EXOC4: variants seen among roughly 807,000 people sequenced by gnomAD.
EXOC4 encodes the protein SEC8-like 1.
A neutral mutation model predicts 107.2 loss-of-function variants in EXOC4; 71 were observed. The ratio of observed to expected loss-of-function variants is 0.66; its 90% CI spans 0.55 to 0.81. The LOEUF (loss-of-function observed/expected upper bound fraction) is 0.81, where lower values mean the gene tolerates loss of function less well. Among genes scored for constraint, EXOC4 ranks in the 30% least tolerant of loss-of-function variants. The pLI is 0.00. For missense variants in EXOC4, 1,108 were observed against 1,189.6 expected, an observed-to-expected ratio of 0.93 and a Z score of 1.01; for synonymous variants, 456 against 441.2, an observed-to-expected ratio of 1.03 and a Z score of -0.42.
In EXOC4 at chr7:133,427,250, T is replaced by C. The variant is rs571190590; in HGVS notation, c.1183-48078T>C. Among the ~76,000 whole-genome samples the C allele has an allele frequency of 1.3e-4, 20 of 152,316 alleles. No homozygotes were observed. In the East Asian group the frequency reaches 3.7e-3, roughly 28 times the overall value. ...TGTTTTTGTATCCAACTTTATAGGCTGTGCTGCTCGACTCCCAGCCTTTCT... is the reference window on the plus strand; with the variant it reads ...TGTTTTTGTATCCAACTTTATAGGCCGTGCTGCTCGACTCCCAGCCTTTCT... On this transcript the variant is annotated intron_variant, in intron 7 of 17. Coordinates refer to ENST00000253861, the MANE Select transcript of EXOC4 (RefSeq NM_021807.4).
At chr7:133,771,069 T>C (rs1282114439) in intron 10 of EXOC4, among the ~76,000 whole-genome samples, 4 of 151,958 alleles carry the variant, frequency 2.6e-5, no homozygotes, top group African/African-American at 9.7e-5. Flanking sequence ...GCAGTGAAAC[T>C]GGAATTTACC....
At chr7:133,299,336 G>C (rs1794592203) in intron 3 of EXOC4, among the ~76,000 whole-genome samples, 1 of 152,060 alleles carries the variant, frequency 6.6e-6, no homozygotes, top group Non-Finnish European at 1.5e-5. Context: ...TCATCTCTCA[G>C]ATACTGCCGT....
intron 14 of EXOC4, among the ~76,000 whole-genome samples, chr7:133,982,026 TCTTA>T (rs1210411610): frequency 3.3e-5 from 5 of 152,146 alleles, no homozygotes; most frequent in African/African-American, 1.2e-4. Context: ...TACCACACGT[TCTTA>T]CTTATGAGTG....
At chr7:133,971,371 G>T (rs1040278770) in intron 14 of EXOC4, among the ~76,000 whole-genome samples, 1,325 of 106,680 alleles carry the variant, frequency 0.012, 5 homozygotes, top group East Asian at 0.042. Context: ...TAGAGAGAGA[G>T]AGAGAGAGAG....
intron 4 of EXOC4, among the ~76,000 whole-genome samples, chr7:133,309,528 G>A (rs1584798467): frequency 6.6e-6 from 1 of 152,142 alleles, no homozygotes; most frequent in Non-Finnish European, 1.5e-5. Flanking sequence ...AAAGTTGTAG[G>A]TAGTTTGAAA....
intron 9 of EXOC4, among the ~76,000 whole-genome samples, chr7:133,609,503 A>AT (rs1410056511): frequency 6.6e-6 from 1 of 152,256 alleles, no homozygotes; most frequent in East Asian, 1.9e-4. Context: ...AGCACAGGGA[A>AT]TACGTAGAAG....
chr7:134,075,664 G>A, the EXOC4 span, among the ~76,000 whole-genome samples: 2 of 151,550 alleles, frequency 1.3e-5, no homozygotes, highest in South Asian at 4.2e-4. Flanking sequence ...TACAACTCAA[G>A]ATGAGATTTG....
At chr7:134,083,364 C>A in the EXOC4 span, among the ~76,000 whole-genome samples, 1 of 152,200 alleles carries the variant, frequency 6.6e-6, no homozygotes, top group African/African-American at 2.4e-5. Flanking sequence ...AGAAGGGCAA[C>A]TGGCTCCCTG....
At chr7:133,916,073 G>C (rs906816525) in intron 12 of EXOC4, among the ~76,000 whole-genome samples, 2 of 152,210 alleles carry the variant, frequency 1.3e-5, no homozygotes, top group Non-Finnish European at 2.9e-5. Flanking sequence ...AGGGACTGGG[G>C]TGATGTTTTG....
intron 10 of EXOC4, among the ~76,000 whole-genome samples, chr7:133,680,970 C>T (rs1794174158): frequency 6.6e-6 from 1 of 152,114 alleles, no homozygotes; most frequent in Admixed American, 6.5e-5. Flanking sequence ...TTTACGAAAA[C>T]CATTTTCCTT....
At position 133,642,946 on chromosome 7, in the gene EXOC4, C is replaced by T. The variant is rs1274262869; in HGVS notation, c.1514+12805C>T. Among the ~76,000 whole-genome samples the T allele has an allele frequency of 4.6e-5, 7 of 152,136 alleles. No individual in the cohort carries two copies. In the South Asian group the frequency reaches 6.2e-4, roughly 14 times the overall value. On this transcript the variant is annotated intron_variant, in intron 10 of 17. Coordinates refer to ENST00000253861, the MANE Select transcript of EXOC4 (RefSeq NM_021807.4). ...AGACATTTTATCCTTCAAGAATCAG[C>T]GCATGTATCCCCTTTTCTTCCAACT...
chr7:133,712,338 C>T (rs1474704886), intron 10 of EXOC4, among the ~76,000 whole-genome samples: 2 of 146,892 alleles, frequency 1.4e-5, no homozygotes, highest in Non-Finnish European at 3.0e-5. Flanking sequence ...ACTCAGGAGG[C>T]TGAGGCAGGA....
In EXOC4 at chr7:133,420,692, A is replaced by G. The variant is rs189586124; in HGVS notation, c.1182+45690A>G. On this transcript the variant is annotated intron_variant, in intron 7 of 17. Transcript: ENST00000253861. ...CTGGATCAGAATCTACATTTCAGTG[A>G]CATTCCTTAGACGATTACATTTTAA... 1.8e-4 allele frequency among the ~76,000 whole-genome samples: 28 copies of G among 152,202 alleles called. 1 individual carries two copies. The East Asian group carries it at 3.5e-3, about 19-fold the overall frequency.
At chr7:133,967,234 G>A (rs2346271) in intron 14 of EXOC4, among the ~76,000 whole-genome samples, 106,156 of 151,876 alleles carry the variant, frequency 0.7, 37,490 homozygotes, top group East Asian at 0.91. Context: ...TCTGGCTAGC[G>A]GTCTATCTAT....
chr7:133,774,629 A>C (rs891076247), intron 10 of EXOC4, among the ~76,000 whole-genome samples: 2 of 152,114 alleles, frequency 1.3e-5, no homozygotes, highest in Non-Finnish European at 2.9e-5. Flanking sequence ...CAGCAGTTTA[A>C]ACAATCTACT....
intron 9 of EXOC4, among the ~76,000 whole-genome samples, chr7:133,619,335 A>G (rs985294625): frequency 1.3e-5 from 2 of 152,194 alleles, no homozygotes; most frequent in African/African-American, 4.8e-5. Flanking sequence ...ATTTGGGAGT[A>G]CTTAGATTTA....
At chr7:133,967,768 A>G (rs1585286098) in intron 14 of EXOC4, among the ~76,000 whole-genome samples, 1 of 152,214 alleles carries the variant, frequency 6.6e-6, no homozygotes, top group Non-Finnish European at 1.5e-5. Context: ...AGTTTTTAGA[A>G]TAAGTGCAGT....
chr7:133,701,816 C>G (rs1429306418), intron 10 of EXOC4, among the ~76,000 whole-genome samples: 1 of 151,616 alleles, frequency 6.6e-6, no homozygotes, highest in African/African-American at 2.4e-5. Context: ...ATACACATAC[C>G]CTGAAGGTAA....
the EXOC4 span, among the ~76,000 whole-genome samples, chr7:134,082,426 T>G: frequency 6.6e-6 from 1 of 152,206 alleles, no homozygotes. Flanking sequence ...GCTTCTTTAC[T>G]GCAACCTAGT....
Sources: allele counts gnomAD v4.1 joint callset (sites outside exome capture counted in the v4.1 genomes callset), GRCh38; gene constraint gnomAD v4.1.1; transcripts MANE v1.5; gene names NCBI Gene and HGNC (gene_info 2026-07-23, HGNC 2026-07-21).